Variants in CCDC33 observed in about 807,000 individuals in gnomAD.
The protein encoded by CCDC33 is coiled-coil domain containing 33, also known as coiled-coil domain-containing protein 33.
Under a neutral mutation model 91.9 loss-of-function variants are expected in CCDC33, and 94 were observed. The observed-to-expected ratio is 1.02, with a 90% CI of 0.87 to 1.21. The LOEUF (loss-of-function observed/expected upper bound fraction) is 1.21. Among genes scored for constraint, CCDC33 ranks in the 50% most tolerant of loss-of-function variants. The pLI, the probability that CCDC33 is intolerant of heterozygous loss-of-function variation, is 0.00. For missense variants in CCDC33, 940 were observed against 935.5 expected (o/e 1.00, Z -0.06); for synonymous variants, 396 against 374.5 (o/e 1.06, Z -0.66).
chr15:74,210,167 A>C (rs2074347459), intron 2 of CCDC33, among the ~76,000 whole-genome samples: 1 of 152,192 alleles, frequency 6.6e-6, no homozygotes, highest in Non-Finnish European at 1.5e-5. Flanking sequence ...AACCCACATA[A>C]AGAGAAAATT....
chr15:74,257,325 C>T (rs958083034), intron 2 of CCDC33, among the ~76,000 whole-genome samples: 1 of 152,204 alleles, frequency 6.6e-6, no homozygotes, highest in South Asian at 2.1e-4. Flanking sequence ...CTGGGGGAGG[C>T]GGCAGCACAG....
At chr15:74,206,809 T>C (rs1219433002) in intron 1 of CCDC33, among the ~76,000 whole-genome samples, 1 of 152,156 alleles carries the variant, frequency 6.6e-6, no homozygotes, top group Non-Finnish European at 1.5e-5. Context: ...GAGAGTAGCA[T>C]AAGGGTCAGG....
chr15:74,273,395 G>A (rs1016459657), intron 7 of CCDC33, among the ~76,000 whole-genome samples: 1 of 152,182 alleles, frequency 6.6e-6, no homozygotes, highest in Non-Finnish European at 1.5e-5. Context: ...ACAAATGAAT[G>A]CATTTAACAT....
intron 16 of CCDC33, 37 bp downstream of exon 16, chr15:74,332,882 C>A: frequency 6.3e-7 from 1 of 1,599,538 alleles, no homozygotes; most frequent in South Asian, 1.1e-5. Flanking sequence ...CTATGCCGGT[C>A]ACTGGGTGCC....
intron 10 of CCDC33, among the ~76,000 whole-genome samples, chr15:74,288,257 A>G (rs138672210): frequency 0.011 from 1,608 of 152,294 alleles, 19 homozygotes; most frequent in Non-Finnish European, 0.018. Flanking sequence ...CAGAGAAGTC[A>G]GGGCCTGTCA....
intron 11 of CCDC33, chr15:74,318,735 C>T: frequency 1.4e-6 from 1 of 700,554 alleles, no homozygotes; most frequent in East Asian, 2.8e-5. Flanking sequence ...GGGTGTGTTG[C>T]CCAGCAACCA....
intron 11 of CCDC33, among the ~76,000 whole-genome samples, chr15:74,308,232 C>A (rs1394292306): frequency 6.6e-6 from 1 of 152,144 alleles, no homozygotes; most frequent in Non-Finnish European, 1.5e-5. Flanking sequence ...TCCCCCAACC[C>A]TCACCACTAG....
intron 11 of CCDC33, among the ~76,000 whole-genome samples, chr15:74,309,612 C>T (rs939937978): frequency 1.3e-5 from 2 of 152,232 alleles, no homozygotes; most frequent in Admixed American, 1.3e-4. Flanking sequence ...CTTCTGGCGC[C>T]TTTTTTTCCT....
intron 11 of CCDC33, chr15:74,301,184 TGG>T (rs1187760608): frequency 1.3e-5 from 2 of 152,306 alleles, no homozygotes; most frequent in Non-Finnish European, 2.9e-5. Context: ...CTCCACTCTC[TGG>T]GCACCCTGAG....
chr15:74,226,824 T>C (rs2074812730), intron 2 of CCDC33, among the ~76,000 whole-genome samples: 1 of 141,924 alleles, frequency 7.0e-6, no homozygotes, highest in South Asian at 2.2e-4. Context: ...CGAGACTCCA[T>C]CTCAAAAAAA....
At position 74,244,946 on chromosome 15, in the gene CCDC33, C is replaced by T. The variant is rs1468855858; in HGVS notation, c.185+798C>T. ...ACTTCCCCTCCCCCACCAATACTGG[C>T]ACCATTCAGTTCCTGCCAAGAGTCT... On this transcript the variant is annotated intron_variant, in intron 2 of 18. Transcript: ENST00000398814. The surrounding 1 kb of genome is among the most constrained non-coding windows in gnomAD (Gnocchi z 4.2). Among the ~76,000 whole-genome samples, 1 of 152,176 alleles carries T rather than the reference C, an allele frequency of 6.6e-6. No homozygotes were observed. Among genetic ancestry groups the T allele is most frequent in the Non-Finnish European group, 1.5e-5 (1 of 68,030 alleles).
chr15:74,207,901 T>C, intron 1 of CCDC33: 1 of 1,488,052 alleles, frequency 6.7e-7, no homozygotes, highest in Non-Finnish European at 8.9e-7. Context: ...TGTCGTCGGC[T>C]GCCGTGCTCA....
At chr15:74,319,329 T>C (rs2142803866) in intron 11 of CCDC33, among the ~76,000 whole-genome samples, 1 of 152,338 alleles carries the variant, frequency 6.6e-6, no homozygotes, top group South Asian at 2.1e-4. Flanking sequence ...CCCAAGGTTC[T>C]GGGTTCCAGC....
chr15:74,254,784 GT>G (rs1267940061), intron 2 of CCDC33, among the ~76,000 whole-genome samples: 1 of 111,504 alleles, frequency 9.0e-6, no homozygotes, highest in African/African-American at 3.5e-5. Flanking sequence ...TTTCACTCTT[GT>G]CACCCAGGCT....
At chr15:74,237,110 A>C (rs1280176150) in intron 1 of CCDC33, among the ~76,000 whole-genome samples, 1 of 152,256 alleles carries the variant, frequency 6.6e-6, no homozygotes, top group Middle Eastern at 3.4e-3. Context: ...GGCAGCCCTG[A>C]TGCCCCCATT....
chr15:74,330,473 T>C (rs2060407651), intron 12 of CCDC33, 119 bp downstream of exon 12: 1 of 1,230,526 alleles, frequency 8.1e-7, no homozygotes, highest in South Asian at 1.5e-5. Flanking sequence ...CTCTGGCAAA[T>C]AGGAGCCCCT....
At chr15:74,250,855 T>C (rs140010490) in intron 2 of CCDC33, among the ~76,000 whole-genome samples, 2 of 152,278 alleles carry the variant, frequency 1.3e-5, no homozygotes, top group African/African-American at 4.8e-5. Flanking sequence ...TGGGAACCTG[T>C]CTCAAAGGGC....
rs552015851 is a variant in CCDC33, at chr15:74,335,003, G to A, written c.2054G>A (p.Arg685Gln). Reference protein sequence around the residue: ...QLEDSARRWGREKQDLATRLQ... With the variant: ...QLEDSARRWGQEKQDLATRLQ... ...GAGGACTCAGCTCGACGCTGGGGAC[G>A]AGAGAAGCAGGATCTGGCCACACGG... is the stretch of plus-strand genomic sequence containing the variant. Residue 685 changes from arginine to glutamine, a missense_variant, in exon 18 of 19, where the codon CGA becomes CAA. Transcript: ENST00000398814. The A allele has an allele frequency of 5.3e-5, 86 of 1,614,090 alleles. No individual in the cohort carries two copies. The highest frequency in any genetic ancestry group is 6.7e-5 in the Non-Finnish European group (79 of 1,179,980).
intron 11 of CCDC33, among the ~76,000 whole-genome samples, chr15:74,326,035 A>C (rs16968110): frequency 0.012 from 1,796 of 152,300 alleles, 28 homozygotes; most frequent in African/African-American, 0.041. Flanking sequence ...GAACCATTAA[A>C]AGTGCGACGG....
Sources: allele counts gnomAD v4.1 joint callset (sites outside exome capture counted in the v4.1 genomes callset), GRCh38; gene constraint gnomAD v4.1.1; non-coding constraint Gnocchi (gnomAD v3.1); transcripts MANE v1.5; gene names NCBI Gene and HGNC (gene_info 2026-07-23, HGNC 2026-07-21).